Variants in CMTM8 observed in about 807,000 individuals in gnomAD.
CMTM8 encodes the protein CKLF like MARVEL transmembrane domain containing 8, also known as CKLF-like MARVEL transmembrane domain-containing protein 8.
A neutral mutation model predicts 18.6 loss-of-function variants in CMTM8; 12 were observed. That is an observed-to-expected ratio of 0.65 (90% CI 0.41 to 1.05). CMTM8 has a LOEUF of 1.05. CMTM8 is among the 50% of genes least tolerant of loss of function. The pLI is 0.00. For missense variants in CMTM8, 217 were observed against 227.2 expected (o/e 0.95, Z 0.29); for synonymous variants, 87 against 90.6 (o/e 0.96, Z 0.23).
intron 1 of CMTM8, among the ~76,000 whole-genome samples, chr3:32,354,186 A>C (rs1696767911): frequency 6.6e-6 from 1 of 152,252 alleles, no homozygotes; most frequent in Non-Finnish European, 1.5e-5. Flanking sequence ...AATGCTTATC[A>C]GGGAAAACAA....
chr3:32,267,679 A>G (rs1702369385), intron 1 of CMTM8, among the ~76,000 whole-genome samples: 1 of 152,218 alleles, frequency 6.6e-6, no homozygotes, highest in Non-Finnish European at 1.5e-5. Flanking sequence ...ACAAAATGGG[A>G]GAAAATTTTT....
intron 1 of CMTM8, chr3:32,259,985 G>T: frequency 1.8e-6 from 2 of 1,109,136 alleles, no homozygotes; most frequent in South Asian, 1.3e-5. Flanking sequence ...GTCAGAGCTG[G>T]CACTGACCCA....
chr3:32,270,413 A>G (rs1326018083), intron 1 of CMTM8, among the ~76,000 whole-genome samples: 1 of 152,222 alleles, frequency 6.6e-6, no homozygotes, highest in South Asian at 2.1e-4. Context: ...ATAAAGACAC[A>G]TGCACACATA....
chr3:32,259,383 G>T (rs753784828), intron 1 of CMTM8: 19 of 846,840 alleles, frequency 2.2e-5, no homozygotes, highest in Non-Finnish European at 2.1e-6. Flanking sequence ...GACAATGCCC[G>T]CATTGTTCTG....
At chr3:32,260,155 A>G in intron 1 of CMTM8, 1 of 1,159,808 alleles carries the variant, frequency 8.6e-7, no homozygotes, top group South Asian at 1.2e-5. Context: ...AAACCATCCA[A>G]AAGACCACCA....
intron 1 of CMTM8, among the ~76,000 whole-genome samples, chr3:32,249,122 G>T (rs1165000431): frequency 6.9e-6 from 1 of 144,278 alleles, no homozygotes; most frequent in East Asian, 2.2e-4. Flanking sequence ...AGGTAATGTG[G>T]AATCTTTATG....
intron 1 of CMTM8, among the ~76,000 whole-genome samples, chr3:32,341,156 T>C (rs181347868): frequency 6.6e-6 from 1 of 152,350 alleles, no homozygotes; most frequent in Admixed American, 6.5e-5. Flanking sequence ...TCAGCCCTGT[T>C]CAGCCTGAAG....
intron 1 of CMTM8, among the ~76,000 whole-genome samples, chr3:32,272,510 G>A (rs542058956): frequency 6.6e-6 from 1 of 151,838 alleles, no homozygotes; most frequent in East Asian, 1.9e-4. Flanking sequence ...TTCAACTCTG[G>A]GTTCCTGGGC....
intron 1 of CMTM8, among the ~76,000 whole-genome samples, chr3:32,264,207 C>T (rs184330817): frequency 3.3e-5 from 5 of 152,156 alleles, no homozygotes; most frequent in African/African-American, 4.8e-5. Context: ...AGAGAAAGGT[C>T]GGGTTACCCA....
intron 1 of CMTM8, among the ~76,000 whole-genome samples, chr3:32,301,650 C>T (rs1300407949): frequency 6.6e-6 from 1 of 151,510 alleles, no homozygotes; most frequent in African/African-American, 2.4e-5. Flanking sequence ...GGTGACATTG[C>T]ACTGGGGATT....
intron 2 of CMTM8, among the ~76,000 whole-genome samples, chr3:32,362,720 A>T (rs73069482): frequency 1.2e-3 from 177 of 152,198 alleles, no homozygotes; most frequent in Middle Eastern, 3.4e-3. Context: ...GTTATTGTAA[A>T]TCTTCCAAAA....
chr3:32,326,412 A>G (rs1429080724), intron 1 of CMTM8, among the ~76,000 whole-genome samples: 3 of 151,644 alleles, frequency 2.0e-5, no homozygotes, highest in Non-Finnish European at 2.9e-5. Flanking sequence ...TGCTAACTCT[A>G]TGGCCTTTTA....
chr3:32,288,721 C>T (rs1452344443), intron 1 of CMTM8, among the ~76,000 whole-genome samples: 3 of 152,146 alleles, frequency 2.0e-5, no homozygotes, highest in Admixed American at 6.6e-5. Flanking sequence ...AGGATGTTCT[C>T]GATCTCCTGA....
At chr3:32,337,751 G>A (rs1696413761) in intron 1 of CMTM8, among the ~76,000 whole-genome samples, 2 of 152,138 alleles carry the variant, frequency 1.3e-5, no homozygotes, top group Admixed American at 1.3e-4. Context: ...ACATGCTCCT[G>A]GGGGATACTG....
intron 1 of CMTM8, among the ~76,000 whole-genome samples, chr3:32,280,694 C>A (rs1055585606): frequency 6.6e-6 from 1 of 151,880 alleles, no homozygotes; most frequent in Admixed American, 6.6e-5. Context: ...GTGCCAAGAA[C>A]CTGGATGACT....
intron 1 of CMTM8, among the ~76,000 whole-genome samples, chr3:32,313,984 A>G (rs914036278): frequency 1.6e-4 from 24 of 152,130 alleles, no homozygotes; most frequent in African/African-American, 5.3e-4. Flanking sequence ...ACAGAGCGAG[A>G]CCCTGTCTCA....
intron 1 of CMTM8, among the ~76,000 whole-genome samples, chr3:32,250,024 ATGATTCGTTT>A (rs1201692799): frequency 2.6e-5 from 4 of 152,318 alleles, no homozygotes; most frequent in African/African-American, 9.6e-5. Flanking sequence ...ATTTAGGTCT[ATGATTCGTTT>A]TGAGTTCATT....
At chr3:32,253,342 A>T (rs865884576) in intron 1 of CMTM8, among the ~76,000 whole-genome samples, 179 of 118,060 alleles carry the variant, frequency 1.5e-3, no homozygotes, top group African/African-American at 5.2e-3. Context: ...TTGTCCCTTT[A>T]TCTTTTTTTT....
intron 1 of CMTM8, among the ~76,000 whole-genome samples, chr3:32,336,508 G>T (rs1174872585): frequency 6.6e-6 from 1 of 152,264 alleles, no homozygotes; most frequent in Non-Finnish European, 1.5e-5. Context: ...ACTGCTGTGA[G>T]CCTCAGTTTC....
Sources: gnomAD v4.1 joint callset for allele counts (sites outside exome capture counted in the v4.1 genomes callset) on GRCh38, gnomAD v4.1.1 for gene constraint, MANE v1.5 for transcripts, NCBI Gene and HGNC (gene_info 2026-07-23, HGNC 2026-07-21) for gene names.